DNAJC1: variants seen among roughly 807,000 people sequenced by gnomAD.
DNAJC1 encodes the protein DnaJ heat shock protein family (Hsp40) member C1.
A neutral mutation model predicts 76.6 loss-of-function variants in DNAJC1; 58 were observed. That is an observed-to-expected ratio of 0.76 (90% CI 0.61 to 0.94). DNAJC1 has a LOEUF of 0.94. Among genes scored for constraint, DNAJC1 ranks in the 40% least tolerant of loss-of-function variants. The probability of loss-of-function intolerance (pLI) is 0.00; values close to 1 mark genes in which losing one functional copy is unlikely to be tolerated. For missense variants in DNAJC1, 689 were observed against 677.3 expected, an observed-to-expected ratio of 1.02 and a Z score of -0.19; for synonymous variants, 258 against 267.9, an observed-to-expected ratio of 0.96 and a Z score of 0.36.
At chr10:21,836,894 C>T (rs1048052830) in intron 8 of DNAJC1, among the ~76,000 whole-genome samples, 1 of 152,130 alleles carries the variant, frequency 6.6e-6, no homozygotes, top group African/African-American at 2.4e-5. Context: ...GCTCCCTCTC[C>T]CTCTCCCTCT....
intron 7 of DNAJC1, among the ~76,000 whole-genome samples, chr10:21,903,483 T>C (rs1836693234): frequency 6.6e-6 from 1 of 152,246 alleles, no homozygotes; most frequent in African/African-American, 2.4e-5. Flanking sequence ...TTGTAAGTAT[T>C]GAAGCTTTTT....
intron 7 of DNAJC1, among the ~76,000 whole-genome samples, chr10:21,902,448 G>A (rs964740190): frequency 6.6e-6 from 1 of 151,998 alleles, no homozygotes; most frequent in Non-Finnish European, 1.5e-5. Context: ...GGGATTATAG[G>A]CGCACACCAC....
intron 9 of DNAJC1, among the ~76,000 whole-genome samples, chr10:21,780,170 T>C (rs1344744846): frequency 1.3e-5 from 2 of 152,204 alleles, no homozygotes; most frequent in Non-Finnish European, 2.9e-5. Context: ...GAAAACACTC[T>C]TCAGGATTTT....
rs747110301 is a variant in DNAJC1 at position 21,882,347 on chromosome 10, T to TGGAA, written c.909_912dup (p.Ile305PhefsTer6). On this transcript the variant is annotated frameshift_variant, in exon 8 of 12. Coordinates refer to ENST00000376980, the MANE Select transcript of DNAJC1 (RefSeq NM_022365.4). LOFTEE classifies it high-confidence loss of function. ...TCCATTTGTTCCTCAATTTCTTCTA[T>TGGAA]GGAAGTTCCATGATCATAAGACTGA... 3.7e-6 allele frequency: 6 copies of TGGAA among 1,604,288 alleles called. No individual in the cohort carries two copies. In the Admixed American group the frequency reaches 8.6e-5, roughly 23 times the overall value.
At chr10:21,813,619 G>C (rs1009237637) in intron 8 of DNAJC1, among the ~76,000 whole-genome samples, 1 of 152,018 alleles carries the variant, frequency 6.6e-6, no homozygotes, top group Non-Finnish European at 1.5e-5. Flanking sequence ...GGATGGTCTC[G>C]ATCTCCTGAC....
chr10:21,927,391 A>G lies in DNAJC1; in HGVS notation c.371+1115T>C, dbSNP rs562724410. Among the ~76,000 whole-genome samples, 53 of 152,312 alleles carry G rather than the reference A, an allele frequency of 3.5e-4. 3 individuals are homozygous for G. Among genetic ancestry groups the G allele is most frequent in the Admixed American group, 3.5e-3 (53 of 15,294 alleles). ...AAGATTCAGAATGTAACATAGCACA[A>G]TTTATAGGGTTGTCTGGAGATGTAT... On this transcript the variant is annotated intron_variant, in intron 3 of 11. Transcript: ENST00000376980.
intron 7 of DNAJC1, among the ~76,000 whole-genome samples, chr10:21,891,106 C>A (rs2131731096): frequency 6.6e-6 from 1 of 152,230 alleles, no homozygotes; most frequent in African/African-American, 2.4e-5. Flanking sequence ...AGGAGAATCG[C>A]TTGAACCCAG....
intron 9 of DNAJC1, among the ~76,000 whole-genome samples, chr10:21,779,573 T>C (rs890456244): frequency 6.6e-6 from 1 of 152,086 alleles, no homozygotes; most frequent in African/African-American, 2.4e-5. Context: ...AGAAAGGACA[T>C]CCACACCAAA....
intron 1 of DNAJC1, among the ~76,000 whole-genome samples, chr10:21,967,382 T>C (rs1020031729): frequency 4.6e-5 from 7 of 152,210 alleles, no homozygotes; most frequent in Non-Finnish European, 8.8e-5. Flanking sequence ...TTTTTTTAAA[T>C]TGCCAAGCAA....
At chr10:21,984,705 G>A (rs1279059194) in intron 1 of DNAJC1, among the ~76,000 whole-genome samples, 1 of 151,950 alleles carries the variant, frequency 6.6e-6, no homozygotes, top group East Asian at 1.9e-4. Flanking sequence ...TTATTATTTG[G>A]GAACTTTTCT....
At chr10:21,955,836 T>C (rs1459866045) in intron 1 of DNAJC1, among the ~76,000 whole-genome samples, 1 of 152,234 alleles carries the variant, frequency 6.6e-6, no homozygotes, top group Admixed American at 6.5e-5. Flanking sequence ...CTCTCCCACA[T>C]GCTAACATAG....
chr10:21,966,772 G>A (rs2666762), intron 1 of DNAJC1, among the ~76,000 whole-genome samples: 97,485 of 149,730 alleles, frequency 0.65, 32,118 homozygotes, highest in East Asian at 0.95. Context: ...TGCAACTTCC[G>A]CCTCCTGGAT....
intron 9 of DNAJC1, among the ~76,000 whole-genome samples, chr10:21,775,908 A>C (rs973978020): frequency 2.0e-5 from 3 of 152,158 alleles, no homozygotes; most frequent in African/African-American, 7.2e-5. Flanking sequence ...GTGTATTAAT[A>C]AATAGTCACA....
At chr10:21,814,334 T>C (rs915383422) in intron 8 of DNAJC1, among the ~76,000 whole-genome samples, 24 of 152,216 alleles carry the variant, frequency 1.6e-4, no homozygotes, top group African/African-American at 5.3e-4. Flanking sequence ...CCATCCTGTT[T>C]GGTCAGCCTC....
At chr10:21,894,715 T>A (rs537566702) in intron 7 of DNAJC1, among the ~76,000 whole-genome samples, 2 of 152,302 alleles carry the variant, frequency 1.3e-5, no homozygotes, top group South Asian at 2.1e-4. Flanking sequence ...CCAAAATTCA[T>A]GTAGAAACAG....
intron 1 of DNAJC1, among the ~76,000 whole-genome samples, chr10:21,989,539 A>G (rs1590082405): frequency 6.6e-6 from 1 of 152,186 alleles, no homozygotes; most frequent in Non-Finnish European, 1.5e-5. Context: ...TACTCTACCA[A>G]GGCCTGGGAT....
chr10:21,958,989 T>C (rs982469587), intron 1 of DNAJC1, among the ~76,000 whole-genome samples: 1 of 152,168 alleles, frequency 6.6e-6, no homozygotes, highest in Non-Finnish European at 1.5e-5. Flanking sequence ...TATTTAACAA[T>C]CTTTACTCTC....
At chr10:21,809,008 A>G (rs1056543301) in intron 8 of DNAJC1, among the ~76,000 whole-genome samples, 4 of 152,216 alleles carry the variant, frequency 2.6e-5, no homozygotes, top group Non-Finnish European at 4.4e-5. Context: ...TATAGCAACC[A>G]AAGTAAGAAC....
intron 1 of DNAJC1, among the ~76,000 whole-genome samples, chr10:21,958,410 T>C (rs1564838406): frequency 6.6e-6 from 1 of 151,970 alleles, no homozygotes; most frequent in Non-Finnish European, 1.5e-5. Flanking sequence ...AGATTCCTTG[T>C]ACCTGTCTCC....
Sources: gnomAD v4.1 joint callset for allele counts (sites outside exome capture counted in the v4.1 genomes callset) on GRCh38, gnomAD v4.1.1 for gene constraint, MANE v1.5 for transcripts, NCBI Gene and HGNC (gene_info 2026-07-23, HGNC 2026-07-21) for gene names.